ADGRB3: variants seen among roughly 807,000 people sequenced by gnomAD.
The protein encoded by ADGRB3 is brain-specific angiogenesis inhibitor 3.
A neutral mutation model predicts 193.4 loss-of-function variants in ADGRB3; 37 were observed. The observed-to-expected ratio is 0.19, with a 90% CI of 0.15 to 0.25. ADGRB3 has a LOEUF of 0.25. ADGRB3 is among the 10% of genes least tolerant of loss of function. ADGRB3 has a pLI of 1.00. For synonymous variants in ADGRB3, 690 were observed against 644.2 expected, an observed-to-expected ratio of 1.07 and a Z score of -1.08; for missense variants, 1,637 against 1,852.9, an observed-to-expected ratio of 0.88 and a Z score of 2.14.
At chr6:68,815,135 C>A (rs1345437799) in intron 3 of ADGRB3, among the ~76,000 whole-genome samples, 2 of 152,142 alleles carry the variant, frequency 1.3e-5, no homozygotes, top group Admixed American at 1.3e-4. Flanking sequence ...GAGTTCTGGC[C>A]AGGGCAATCA....
At chr6:69,076,442 T>C (rs1374265452) in intron 17 of ADGRB3, among the ~76,000 whole-genome samples, 1 of 152,102 alleles carries the variant, frequency 6.6e-6, no homozygotes, top group Non-Finnish European at 1.5e-5. Context: ...CTTGAATCTA[T>C]TATCAGAGTA....
chr6:68,644,900 A>G (rs915083223), intron 3 of ADGRB3, among the ~76,000 whole-genome samples: 9 of 152,180 alleles, frequency 5.9e-5, no homozygotes, highest in African/African-American at 2.2e-4. Flanking sequence ...GAGGATTTTT[A>G]CAACAGCTGT....
At chr6:68,994,012 T>A (rs1036731167) in intron 11 of ADGRB3, 50 bp downstream of exon 11, 1 of 1,573,296 alleles carries the variant, frequency 6.4e-7, no homozygotes, top group African/African-American at 1.4e-5. Flanking sequence ...ATGCAATCAG[T>A]TTTTGGTCCC....
intron 3 of ADGRB3, among the ~76,000 whole-genome samples, chr6:68,779,890 A>G (rs764470003): frequency 1.3e-5 from 2 of 152,152 alleles, no homozygotes; most frequent in African/African-American, 4.8e-5. Context: ...ATGTTTCAGC[A>G]GGAAATAAAA....
At chr6:69,246,070 T>C (rs746610887) in intron 20 of ADGRB3, among the ~76,000 whole-genome samples, 1 of 152,158 alleles carries the variant, frequency 6.6e-6, no homozygotes, top group Non-Finnish European at 1.5e-5. Context: ...AAGTGATTGA[T>C]GGCATGCTTT....
chr6:69,031,016 T>TTTTCTTTTCTTTCTTTTCCTTTC (rs1491515366), intron 13 of ADGRB3, among the ~76,000 whole-genome samples: 2 of 61,238 alleles, frequency 3.3e-5, no homozygotes, highest in Admixed American at 1.3e-4. Flanking sequence ...TTTTCTTTTC[T>TTTTCTTTTCTTTCTTTTCCTTTC]TTTTTTTTTC....
rs865964327 is a variant in ADGRB3, at chr6:69,203,551, T to G, written c.2481-29739T>G. Among the ~76,000 whole-genome samples, 40 of 152,184 alleles carry G rather than the reference T, an allele frequency of 2.6e-4. 1 individual carries two copies. The highest frequency in any genetic ancestry group is 8.9e-4 in the African/African-American group (37 of 41,552). On this transcript the variant is annotated intron_variant, in intron 17 of 31. Transcript: ENST00000370598. ...AGTCATATCATTGTTTCTTAAAAGC[T>G]CTCAATATTGCACCATCATCCACAA...
intron 17 of ADGRB3, among the ~76,000 whole-genome samples, chr6:69,124,429 G>A (rs976015590): frequency 2.0e-5 from 3 of 151,944 alleles, no homozygotes; most frequent in Non-Finnish European, 4.4e-5. Flanking sequence ...ATTCTGTAGC[G>A]GCCAACTTAA....
At chr6:68,707,209 G>T (rs560156981) in intron 3 of ADGRB3, among the ~76,000 whole-genome samples, 1 of 151,468 alleles carries the variant, frequency 6.6e-6, no homozygotes, top group Non-Finnish European at 1.5e-5. Flanking sequence ...TTTCATTTTC[G>T]TATGGTCTAT....
At chr6:69,113,261 C>T (rs1022721481) in intron 17 of ADGRB3, among the ~76,000 whole-genome samples, 2 of 151,942 alleles carry the variant, frequency 1.3e-5, no homozygotes, top group Admixed American at 1.3e-4. Context: ...GTACAATATA[C>T]ATATGTATCA....
chr6:68,772,942 C>CAG (rs1562023510), intron 3 of ADGRB3, among the ~76,000 whole-genome samples: 1 of 31,552 alleles, frequency 3.2e-5, no homozygotes, highest in African/African-American at 1.7e-4. Flanking sequence ...TACATACACA[C>CAG]ACAAAAATAA....
In ADGRB3 at chr6:68,936,633, G is replaced by A; in HGVS notation, c.983G>A (p.Gly328Asp). 1 of 1,613,726 alleles carries A rather than the reference G, an allele frequency of 6.2e-7. No individual in the cohort carries two copies. The stretch of plus-strand genomic sequence containing the variant: ...TCACCTTACGGGACACACTGCAGCG[G>A]CCCATTAAGAGAATCAAGGGTTTGC... ...CVSPYGTHCSGPLRESRVCNN... is the reference protein window; with the variant it reads ...CVSPYGTHCSDPLRESRVCNN... The change falls in exon 5 of 32, where the codon GGC (glycine) becomes GAC (aspartate). Residue 328 changes from glycine (G) to aspartate (D), a missense_variant. Gly to Asp is a moderately conservative substitution (Grantham distance 94). Transcript: ENST00000370598.
At chr6:69,134,725 A>G (rs1272786990) in intron 17 of ADGRB3, among the ~76,000 whole-genome samples, 1 of 151,902 alleles carries the variant, frequency 6.6e-6, no homozygotes, top group East Asian at 1.9e-4. Flanking sequence ...AGGTGTGTGT[A>G]TGTATATATA....
intron 3 of ADGRB3, among the ~76,000 whole-genome samples, chr6:68,841,128 A>T (rs554599566): frequency 3.9e-5 from 6 of 152,336 alleles, no homozygotes; most frequent in African/African-American, 1.4e-4. Context: ...CTAAAGGGAG[A>T]TACAGACCCC....
intron 31 of ADGRB3, among the ~76,000 whole-genome samples, chr6:69,385,078 C>T (rs1757134374): frequency 6.6e-6 from 1 of 151,554 alleles, no homozygotes. Context: ...CCATTTAGTC[C>T]ATTTCCTTGC....
At chr6:68,661,493 G>GTGTATACATATATATGTGTGTATATATA (rs1768646193) in intron 3 of ADGRB3, among the ~76,000 whole-genome samples, 1 of 106,968 alleles carries the variant, frequency 9.3e-6, no homozygotes, top group African/African-American at 3.4e-5. Context: ...ATATATATAT[G>GTGTATACATATATATGTGTGTATATATA]TGTGTATACA....
chr6:69,222,768 T>C (rs1252769631), intron 17 of ADGRB3, among the ~76,000 whole-genome samples: 1 of 152,176 alleles, frequency 6.6e-6, no homozygotes, highest in Non-Finnish European at 1.5e-5. Flanking sequence ...CATTTTCAGC[T>C]GGCTTTTATT....
intron 13 of ADGRB3, among the ~76,000 whole-genome samples, chr6:69,026,358 A>C (rs1770433015): frequency 6.6e-6 from 1 of 152,140 alleles, no homozygotes; most frequent in Admixed American, 6.5e-5. Context: ...ATGCAGTGAT[A>C]TGTAGGGGCA....
intron 31 of ADGRB3, among the ~76,000 whole-genome samples, chr6:69,385,873 C>T (rs73748516): frequency 0.04 from 6,051 of 152,060 alleles, 392 homozygotes; most frequent in African/African-American, 0.14. Context: ...TCTCTTATCA[C>T]GCCCAACACG....
Sources: allele counts gnomAD v4.1 joint callset (sites outside exome capture counted in the v4.1 genomes callset), GRCh38; gene constraint gnomAD v4.1.1; transcripts MANE v1.5; gene names NCBI Gene and HGNC (gene_info 2026-07-23, HGNC 2026-07-21).